ATP10D: variants seen among roughly 807,000 people sequenced by gnomAD.
The protein encoded by ATP10D is phospholipid-transporting ATPase VD.
Under a neutral mutation model 144.8 loss-of-function variants are expected in ATP10D, and 89 were observed. That is an observed-to-expected ratio of 0.61 (90% CI 0.52 to 0.73). The LOEUF is 0.73. Among genes scored for constraint, ATP10D ranks in the 30% least tolerant of loss-of-function variants. ATP10D has a pLI of 0.00. For synonymous variants in ATP10D, 571 were observed against 615.1 expected (o/e 0.93, Z 1.06); for missense variants, 1,603 against 1,714.8 (o/e 0.93, Z 1.15).
intron 2 of ATP10D, among the ~76,000 whole-genome samples, chr4:47,515,059 C>G (rs1249746511): frequency 6.6e-6 from 1 of 152,074 alleles, no homozygotes; most frequent in Non-Finnish European, 1.5e-5. Context: ...CTTCTGGGTT[C>G]AAGTGATTCT....
intron 1 of ATP10D, chr4:47,490,884 C>A (rs531723883): frequency 5.1e-6 from 2 of 395,108 alleles, no homozygotes; most frequent in Non-Finnish European, 4.7e-6. Context: ...AGTCGTCCTT[C>A]CTTTTCTCCC....
chr4:47,497,314 G>T (rs531389993), intron 1 of ATP10D, among the ~76,000 whole-genome samples: 5 of 152,176 alleles, frequency 3.3e-5, no homozygotes, highest in Non-Finnish European at 7.4e-5. Flanking sequence ...AATTAGCCGG[G>T]CGTGGTGGCA....
intron 11 of ATP10D, 53 bp downstream of exon 11, chr4:47,554,967 G>A: frequency 6.7e-7 from 1 of 1,488,272 alleles, no homozygotes; most frequent in Non-Finnish European, 9.3e-7. Flanking sequence ...GAGAATTTTG[G>A]GTTTAAATGT....
intron 22 of ATP10D, 54 bp downstream of exon 22, chr4:47,587,260 C>A: frequency 6.6e-7 from 1 of 1,508,582 alleles, no homozygotes. Context: ...GGCTAAGAAT[C>A]CTTCAAGCAA....
At chr4:47,524,639 C>G (rs10213225) in intron 4 of ATP10D, among the ~76,000 whole-genome samples, 3,008 of 152,260 alleles carry the variant, frequency 0.02, 74 homozygotes, top group African/African-American at 0.053. Flanking sequence ...GATTGTAATC[C>G]TGCTCTAAAC....
chr4:47,560,455 A>C (rs1291486460), intron 13 of ATP10D, among the ~76,000 whole-genome samples: 1 of 152,188 alleles, frequency 6.6e-6, no homozygotes, highest in East Asian at 1.9e-4. Context: ...AGGCCACTGC[A>C]CTCCAGCCTG....
At chr4:47,572,741 A>G in intron 17 of ATP10D, 131 bp from the exon 18 acceptor site, 1 of 1,208,458 alleles carries the variant, frequency 8.3e-7, no homozygotes, top group Non-Finnish European at 1.2e-6. Flanking sequence ...ACTGATTTTC[A>G]TTCATGTATG....
chr4:47,568,183 C>T (rs1009899498), intron 15 of ATP10D, among the ~76,000 whole-genome samples: 1 of 152,120 alleles, frequency 6.6e-6, no homozygotes, highest in African/African-American at 2.4e-5. Flanking sequence ...GCAAAGGAGA[C>T]GTGATAAGTA....
intron 5 of ATP10D, among the ~76,000 whole-genome samples, chr4:47,533,328 G>A (rs1226433460): frequency 2.6e-5 from 4 of 152,174 alleles, no homozygotes; most frequent in African/African-American, 9.7e-5. Flanking sequence ...TTAAACTCAA[G>A]GATGCATCTG....
chr4:47,559,622 TCTTACC>T (rs1719187649), intron 13 of ATP10D, among the ~76,000 whole-genome samples: 1 of 152,234 alleles, frequency 6.6e-6, no homozygotes, highest in South Asian at 2.1e-4. Context: ...ACTTTTCATT[TCTTACC>T]CAAGGTTTAG....
chr4:47,584,855 A>C (rs530314988), intron 21 of ATP10D, among the ~76,000 whole-genome samples: 213 of 152,338 alleles, frequency 1.4e-3, no homozygotes, highest in African/African-American at 4.9e-3. Flanking sequence ...TTTATTTAAA[A>C]ATAAGCAGTC....
At chr4:47,579,855 C>A (rs948822522) in intron 19 of ATP10D, among the ~76,000 whole-genome samples, 2 of 152,168 alleles carry the variant, frequency 1.3e-5, no homozygotes, top group African/African-American at 4.8e-5. Flanking sequence ...TTTTTAAGTC[C>A]ATTTCCAATT....
intron 19 of ATP10D, chr4:47,578,583 G>A (rs1720351836): frequency 6.6e-6 from 1 of 152,116 alleles, no homozygotes; most frequent in Non-Finnish European, 1.5e-5. Flanking sequence ...GGTTCTTTGA[G>A]CAACCTCTCT....
intron 22 of ATP10D, among the ~76,000 whole-genome samples, chr4:47,589,052 G>T (rs1027640350): frequency 3.9e-5 from 6 of 152,072 alleles, no homozygotes; most frequent in African/African-American, 1.4e-4. Context: ...GTCCTTATAA[G>T]AAAGAGGCAG....
chr4:47,591,185 A>C lies in ATP10D; in HGVS notation c.4085A>C (p.Lys1362Thr). The C allele has an allele frequency of 1.9e-6, 3 of 1,613,646 alleles. No individual in the cohort carries two copies. Among genetic ancestry groups the C allele is most frequent in the Non-Finnish European group, 2.5e-6 (3 of 1,179,648 alleles). Residue 1362 changes from lysine (K) to threonine (T), a missense_variant, in exon 23 of 23, where the codon AAG (lysine) becomes ACG (threonine). Physicochemically the swap from Lys to Thr is moderately conservative, Grantham distance 78. Coordinates refer to ENST00000273859, the MANE Select transcript of ATP10D (RefSeq NM_020453.4). ...GGAAAGATGAATCAAGTGACATCAAAGTATGCTAACCAATCAGCTGGCAAG... is the reference window on the plus strand; with the variant it reads ...GGAAAGATGAATCAAGTGACATCAACGTATGCTAACCAATCAGCTGGCAAG... ...GAGKMNQVTSKYANQSAGKSG... is the reference protein window; with the variant it reads ...GAGKMNQVTSTYANQSAGKSG...
intron 21 of ATP10D, among the ~76,000 whole-genome samples, chr4:47,584,715 A>T (rs1254208932): frequency 6.6e-6 from 1 of 152,178 alleles, no homozygotes; most frequent in Non-Finnish European, 1.5e-5. Flanking sequence ...TTTAAGAGAT[A>T]AAAAATTGGA....
At chr4:47,538,763 G>A (rs963199923) in intron 9 of ATP10D, among the ~76,000 whole-genome samples, 3 of 152,110 alleles carry the variant, frequency 2.0e-5, no homozygotes, top group African/African-American at 4.8e-5. Context: ...CCAACTATTC[G>A]CAGCTCCAAG....
In ATP10D at chr4:47,536,915, T is replaced by G; in HGVS notation, c.1373T>G (p.Phe458Cys). ...TTTCGAAGATGTAGTGTGGCAGGAT[T>G]TGATTACTGCCATGAAGAAAATGGT... Reference protein sequence around the residue: ...MVFRRCSVAGFDYCHEENARR... With the variant: ...MVFRRCSVAGCDYCHEENARR... Residue 458 changes from phenylalanine (F) to cysteine (C), a missense_variant, in exon 9 of 23, where the codon TTT becomes TGT. By Grantham distance (205) the Phe-to-Cys change is radical. Coordinates refer to ENST00000273859, the MANE Select transcript of ATP10D (RefSeq NM_020453.4). 1 of 1,610,566 alleles carries G rather than the reference T, an allele frequency of 6.2e-7. No homozygotes were observed.
chr4:47,548,323 G>A (rs1305683579), intron 10 of ATP10D, among the ~76,000 whole-genome samples: 1 of 151,888 alleles, frequency 6.6e-6, no homozygotes, highest in Admixed American at 6.6e-5. Context: ...CATCAAATCT[G>A]GTGAAATATT....
Sources: gnomAD v4.1 joint callset for allele counts (sites outside exome capture counted in the v4.1 genomes callset) on GRCh38, gnomAD v4.1.1 for gene constraint, MANE v1.5 for transcripts, NCBI Gene and HGNC (gene_info 2026-07-23, HGNC 2026-07-21) for gene names.